ELMO1: variants seen among roughly 807,000 people sequenced by gnomAD.
ELMO1 encodes the protein engulfment and cell motility 1, also known as engulfment and cell motility protein 1.
In ELMO1, 26 loss-of-function variants were observed where a neutral mutation model predicts 98.9. The observed-to-expected ratio is 0.26, with a 90% CI of 0.19 to 0.36. The LOEUF is 0.36. ELMO1 is among the 10% of genes least tolerant of loss of function. The pLI is 1.00. For synonymous variants in ELMO1, 346 were observed against 346.0 expected (o/e 1.00, Z 0.00); for missense variants, 627 against 935.2 (o/e 0.67, Z 4.30).
chr7:36,940,872 G>C (rs544431422), intron 16 of ELMO1, among the ~76,000 whole-genome samples: 1 of 152,278 alleles, frequency 6.6e-6, no homozygotes, highest in South Asian at 2.1e-4. Context: ...CATTAACAGC[G>C]ACAGTTATAA....
intron 16 of ELMO1, among the ~76,000 whole-genome samples, chr7:36,951,004 T>C (rs1386917458): frequency 1.3e-5 from 2 of 152,222 alleles, no homozygotes; most frequent in African/African-American, 4.8e-5. Context: ...CCACTACCCC[T>C]GTCCACACCT....
intron 5 of ELMO1, chr7:37,271,339 T>C (rs1796549413): frequency 1.3e-5 from 2 of 154,348 alleles, no homozygotes; most frequent in South Asian, 4.1e-4. Context: ...TGGCATTAGG[T>C]GGATGTGTGA....
chr7:36,998,754 A>G (rs71526436), intron 16 of ELMO1, among the ~76,000 whole-genome samples: 4,993 of 151,920 alleles, frequency 0.033, 108 homozygotes, highest in Middle Eastern at 0.099. Flanking sequence ...GACTGACACT[A>G]TATTTTAGTG....
chr7:37,298,092 TC>T (rs1179193050), intron 4 of ELMO1, among the ~76,000 whole-genome samples: 1 of 152,142 alleles, frequency 6.6e-6, no homozygotes, highest in Non-Finnish European at 1.5e-5. Context: ...TCTGCTTGCT[TC>T]AGAGCAGCAG....
intron 13 of ELMO1, among the ~76,000 whole-genome samples, chr7:37,192,200 G>A (rs1035096724): frequency 3.9e-5 from 6 of 152,026 alleles, no homozygotes; most frequent in African/African-American, 1.4e-4. Context: ...CTGGTAAAAA[G>A]TGGGCCAGAG....
intron 1 of ELMO1, among the ~76,000 whole-genome samples, chr7:37,445,321 T>C (rs571621620): frequency 7.5e-4 from 115 of 152,360 alleles, no homozygotes; most frequent in Middle Eastern, 3.4e-3. Flanking sequence ...CAACAGAATG[T>C]CTTATAAACC....
At chr7:37,339,313 T>G (rs1800593218) in intron 2 of ELMO1, among the ~76,000 whole-genome samples, 1 of 152,236 alleles carries the variant, frequency 6.6e-6, no homozygotes, top group Non-Finnish European at 1.5e-5. Context: ...GGATGCTTCT[T>G]GTACACAGTC....
At chr7:37,393,083 TC>T (rs1291075956) in intron 1 of ELMO1, among the ~76,000 whole-genome samples, 3 of 152,206 alleles carry the variant, frequency 2.0e-5, no homozygotes, top group Non-Finnish European at 4.4e-5. Flanking sequence ...AAAACATCTC[TC>T]CTGGGCAACT....
intron 21 of ELMO1, among the ~76,000 whole-genome samples, chr7:36,859,570 G>T (rs898659527): frequency 5.9e-5 from 9 of 152,196 alleles, no homozygotes; most frequent in Admixed American, 3.3e-4. Flanking sequence ...GGGGTTAAGT[G>T]TAGGGCTTCT....
chr7:37,366,997 C>A (rs78260899), intron 1 of ELMO1, among the ~76,000 whole-genome samples: 12,249 of 152,198 alleles, frequency 0.08, 618 homozygotes, highest in Middle Eastern at 0.12. Flanking sequence ...AAAGCAAAAT[C>A]TCTCTAATGA....
At chr7:37,169,900 A>G (rs572575587) in intron 13 of ELMO1, among the ~76,000 whole-genome samples, 3 of 152,166 alleles carry the variant, frequency 2.0e-5, no homozygotes, top group African/African-American at 4.8e-5. Context: ...TAACTCTAAA[A>G]TGCACATTTC....
At chr7:37,023,166 T>G (rs1359336842) in intron 15 of ELMO1, among the ~76,000 whole-genome samples, 2 of 152,202 alleles carry the variant, frequency 1.3e-5, no homozygotes, top group African/African-American at 4.8e-5. Context: ...TTAATATCTT[T>G]TCTTAATCTA....
At chr7:36,902,238 C>T (rs537714061) in intron 16 of ELMO1, among the ~76,000 whole-genome samples, 1 of 152,242 alleles carries the variant, frequency 6.6e-6, no homozygotes, top group African/African-American at 2.4e-5. Flanking sequence ...TTAATAAAAG[C>T]AAAAAAGCTT....
intron 16 of ELMO1, among the ~76,000 whole-genome samples, chr7:36,999,782 T>A (rs1792506239): frequency 6.6e-6 from 1 of 152,188 alleles, no homozygotes. Flanking sequence ...TGTGTGTGTG[T>A]GTGTGTTTGA....
At chr7:37,214,580 G>A (rs555180756) in intron 11 of ELMO1, among the ~76,000 whole-genome samples, 7 of 152,196 alleles carry the variant, frequency 4.6e-5, no homozygotes, top group African/African-American at 1.7e-4. Context: ...GAGGAGGGGT[G>A]GGAGAAGATT....
chr7:37,432,022 C>T (rs1197411967), intron 1 of ELMO1, among the ~76,000 whole-genome samples: 1 of 152,206 alleles, frequency 6.6e-6, no homozygotes, highest in Non-Finnish European at 1.5e-5. Flanking sequence ...TCTGGGATTA[C>T]AGGCATATGC....
chr7:37,217,858 C>T, intron 10 of ELMO1: 1 of 451,304 alleles, frequency 2.2e-6, no homozygotes, highest in East Asian at 7.0e-5. Context: ...TATTTGAACG[C>T]CCCTGCTGAC....
chr7:37,329,319 AT>A (rs1225684772), intron 2 of ELMO1, among the ~76,000 whole-genome samples: 1 of 152,224 alleles, frequency 6.6e-6, no homozygotes, highest in Non-Finnish European at 1.5e-5. Context: ...ATAAAGTGAT[AT>A]TTTGATACAT....
intron 13 of ELMO1, among the ~76,000 whole-genome samples, chr7:37,162,436 G>C (rs1388831615): frequency 6.6e-6 from 1 of 152,164 alleles, no homozygotes; most frequent in Non-Finnish European, 1.5e-5. Flanking sequence ...AATCACATCC[G>C]AGTCACTTGA....
Sources: gnomAD v4.1 joint callset for allele counts (sites outside exome capture counted in the v4.1 genomes callset) on GRCh38, gnomAD v4.1.1 for gene constraint, MANE v1.5 for transcripts, NCBI Gene and HGNC (gene_info 2026-07-23, HGNC 2026-07-21) for gene names.